PSIP1: variants seen among roughly 807,000 people sequenced by gnomAD.
PSIP1 encodes the protein PC4 and SRSF1 interacting protein 1.
Under a neutral mutation model 74.7 loss-of-function variants are expected in PSIP1, and 19 were observed. The ratio of observed to expected loss-of-function variants is 0.25; its 90% CI spans 0.18 to 0.37. PSIP1 has a LOEUF of 0.37. Among genes scored for constraint, PSIP1 ranks in the 10% least tolerant of loss-of-function variants. The pLI is 1.00. For missense variants in PSIP1, 601 were observed against 614.3 expected, an observed-to-expected ratio of 0.98 and a Z score of 0.23; for synonymous variants, 222 against 195.3, an observed-to-expected ratio of 1.14 and a Z score of -1.14.
rs868204050 is a variant in PSIP1, at chr9:15,484,402, A to G, written c.456+1604T>C. Among the ~76,000 whole-genome samples, 160 of 151,292 alleles carry G rather than the reference A, an allele frequency of 1.1e-3. 1 individual carries two copies. The highest frequency in any genetic ancestry group is 3.8e-3 in the African/African-American group (156 of 41,188). Reference sequence around the variant, plus strand: ...TCACCTGAGGTCAGGAGTTCGAGATAAGCCTGGCCAACATGGTGAGACCCC... The same window carrying G: ...TCACCTGAGGTCAGGAGTTCGAGATGAGCCTGGCCAACATGGTGAGACCCC... On this transcript the variant is annotated intron_variant, in intron 6 of 15. Coordinates refer to ENST00000380733, the MANE Select transcript of PSIP1 (RefSeq NM_033222.5).
At chr9:15,486,168 T>A (rs943564626) in intron 5 of PSIP1, 100 bp from the exon 6 acceptor site, 2 of 972,120 alleles carry the variant, frequency 2.1e-6, no homozygotes, top group Non-Finnish European at 3.1e-6. Flanking sequence ...ACTGAAAGCA[T>A]TGGGGAAATC....
chr9:15,478,408 AG>A, intron 8 of PSIP1, 68 bp downstream of exon 8: 11 of 1,107,474 alleles, frequency 9.9e-6, no homozygotes, highest in Non-Finnish European at 1.5e-5. Context: ...ATAAAATCGC[AG>A]AGATATGTGC....
chr9:15,509,275 G>C (rs761875370), intron 2 of PSIP1, among the ~76,000 whole-genome samples: 3 of 152,168 alleles, frequency 2.0e-5, no homozygotes, highest in Non-Finnish European at 2.9e-5. Flanking sequence ...TAATCTAATT[G>C]ATTGCAACAT....
intron 8 of PSIP1, among the ~76,000 whole-genome samples, chr9:15,474,695 CAA>C (rs1272374812): frequency 3.3e-5 from 5 of 152,254 alleles, no homozygotes; most frequent in East Asian, 3.9e-4. Flanking sequence ...ACCACTAAAA[CAA>C]GAGAAACTAC....
chr9:15,468,328 G>A (rs1335425897), intron 14 of PSIP1: 1 of 595,248 alleles, frequency 1.7e-6, no homozygotes, highest in Non-Finnish European at 3.2e-6. Flanking sequence ...CAGGAAGTGG[G>A]TACTCTAGGG....
Position 15,510,250 on chromosome 9 carries a change from GGGAT to G in PSIP1, c.-66_-63del. 5 of 1,529,420 alleles carry G rather than the reference GGGAT, an allele frequency of 3.3e-6. No individual in the cohort carries two copies. Among genetic ancestry groups the G allele is most frequent in the Non-Finnish European group, 4.5e-6 (5 of 1,122,580 alleles). The allele number at this position is 1,529,420 out of a possible 1,614,324, so 94.7% of individuals were successfully genotyped here. ...GGCGGCGAGGAGATGCGGCGGCGCG[GGGAT>G]GCGGGCGGCGGACGCGGGCCCAGCT... On this transcript the variant is annotated 5_prime_UTR_variant, in exon 2 of 16. Transcript: ENST00000380733.
At chr9:15,476,217 T>C (rs1485648249) in intron 8 of PSIP1, among the ~76,000 whole-genome samples, 1 of 152,182 alleles carries the variant, frequency 6.6e-6, no homozygotes, top group Non-Finnish European at 1.5e-5. Flanking sequence ...CTACTGCTAT[T>C]TTAGGGTTGT....
At chr9:15,485,588 C>T (rs1468595306) in intron 6 of PSIP1, among the ~76,000 whole-genome samples, 1 of 152,184 alleles carries the variant, frequency 6.6e-6, no homozygotes, top group African/African-American at 2.4e-5. Context: ...CACTCACACT[C>T]ATTTCTCACA....
chr9:15,489,913 T>C, intron 4 of PSIP1, 73 bp downstream of exon 4: 2 of 1,241,670 alleles, frequency 1.6e-6, no homozygotes, highest in Non-Finnish European at 1.1e-6. Flanking sequence ...AGTATTTACT[T>C]TCCTACAGCT....
rs968665584 is a variant in PSIP1, at chr9:15,471,638, T to C, written c.977+994A>G. 5 of 952,962 alleles carry C rather than the reference T, an allele frequency of 5.2e-6. No individual in the cohort carries two copies. The African/African-American group carries it at 7.1e-5, about 14-fold the overall frequency. 59.0% of individuals were successfully genotyped at this position (952,962 alleles called of 1,614,324 possible). Reference sequence around the variant, plus strand: ...ATTAGAGGGAATAATATTTTTGAGCTTTAGATAAGTTATTTAAATTACTCC... The same window carrying C: ...ATTAGAGGGAATAATATTTTTGAGCCTTAGATAAGTTATTTAAATTACTCC... On this transcript the variant is annotated intron_variant, in intron 10 of 15. Transcript: ENST00000380733.
intron 6 of PSIP1, among the ~76,000 whole-genome samples, chr9:15,484,769 T>C (rs1309295695): frequency 6.6e-6 from 1 of 151,524 alleles, no homozygotes; most frequent in Non-Finnish European, 1.5e-5. Flanking sequence ...AAAAATTAGC[T>C]GGGCATGGTG....
At chr9:15,503,703 G>A (rs2037451135) in intron 3 of PSIP1, among the ~76,000 whole-genome samples, 1 of 151,354 alleles carries the variant, frequency 6.6e-6, no homozygotes, top group Admixed American at 6.6e-5. Context: ...CAAATTTTGA[G>A]GGGAAAAAAG....
At chr9:15,493,549 C>T (rs1383900824) in intron 3 of PSIP1, among the ~76,000 whole-genome samples, 1 of 152,106 alleles carries the variant, frequency 6.6e-6, no homozygotes, top group Non-Finnish European at 1.5e-5. Flanking sequence ...ACCAATTTAC[C>T]ATATTAGTCA....
chr9:15,500,546 C>T (rs1586854000), intron 3 of PSIP1, among the ~76,000 whole-genome samples: 1 of 152,134 alleles, frequency 6.6e-6, no homozygotes, highest in Non-Finnish European at 1.5e-5. Context: ...ACAAGTCCCA[C>T]ACCAATACGT....
At chr9:15,482,755 C>G (rs1222341302) in intron 6 of PSIP1, among the ~76,000 whole-genome samples, 1 of 152,156 alleles carries the variant, frequency 6.6e-6, no homozygotes, top group East Asian at 1.9e-4. Context: ...ATGAAAATCC[C>G]TATTATGTTG....
In PSIP1 at chr9:15,468,773, A is replaced by C. The variant is rs1290693747; in HGVS notation, c.1277T>G (p.Met426Arg). 1.2e-6 allele frequency: 2 copies of C among 1,614,090 alleles called. No homozygotes were observed. ...STMLYNKFKNMFLVGEGDSVI... is the reference protein window; with the variant it reads ...STMLYNKFKNRFLVGEGDSVI... ...GGAATCTCCTTCACCAACCAAGAACATGTTCTTAAACTTGTTATACAACAT... is the reference window on the plus strand; with the variant it reads ...GGAATCTCCTTCACCAACCAAGAACCTGTTCTTAAACTTGTTATACAACAT... The change falls in exon 14 of 16, where the codon ATG becomes AGG. Residue 426 changes from methionine (M) to arginine (R), a missense_variant. Physicochemically the swap from Met to Arg is moderately conservative, Grantham distance 91. Transcript: ENST00000380733.
chr9:15,468,391 T>C (rs113310505), intron 14 of PSIP1: 2 of 712,788 alleles, frequency 2.8e-6, no homozygotes, highest in African/African-American at 3.5e-5. Flanking sequence ...TCCAGAGTCA[T>C]CTGCCTCATG....
intron 4 of PSIP1, among the ~76,000 whole-genome samples, chr9:15,487,488 G>A (rs1318626440): frequency 6.6e-6 from 1 of 151,878 alleles, no homozygotes; most frequent in Non-Finnish European, 1.5e-5. Context: ...CCAGCTACTC[G>A]GGAGGCTGAG....
intron 8 of PSIP1, among the ~76,000 whole-genome samples, chr9:15,475,686 A>G (rs961511206): frequency 6.6e-6 from 1 of 152,142 alleles, no homozygotes. Flanking sequence ...ATTTATCCTA[A>G]GGTCATAAAA....
Sources: gnomAD v4.1 joint callset for allele counts (sites outside exome capture counted in the v4.1 genomes callset) on GRCh38, gnomAD v4.1.1 for gene constraint, MANE v1.5 for transcripts, NCBI Gene and HGNC (gene_info 2026-07-23, HGNC 2026-07-21) for gene names.